Variants in HSF1 observed in about 807,000 individuals in gnomAD.
HSF1 encodes heat shock factor protein 1.
HSF1 carries 32 observed loss-of-function variants against 51.7 expected under a neutral mutation model. The observed-to-expected ratio is 0.62, with a 90% CI of 0.47 to 0.83. The LOEUF (loss-of-function observed/expected upper bound fraction) is 0.83. Among genes scored for constraint, HSF1 ranks in the 40% least tolerant of loss-of-function variants. The pLI, the probability that HSF1 is intolerant of heterozygous loss-of-function variation, is 0.00. For missense variants in HSF1, 727 were observed against 717.0 expected, an observed-to-expected ratio of 1.01 and a Z score of -0.16; for synonymous variants, 396 against 309.7, an observed-to-expected ratio of 1.28 and a Z score of -2.92.
rs1554844405 is a variant in HSF1, at chr8:144,311,424, G to GGGCTGTCCCCCTTCTCTGTC, written c.626+43_627-61dup. ...GCCTGCATCCACCACCCGGGGCCCA[G>GGGCTGTCCCCCTTCTCTGTC]GGCTGTCCCCCTTCTCTGTCAGCTG... On this transcript the variant is annotated intron_variant, in intron 6 of 12. Coordinates refer to ENST00000528838, the MANE Select transcript of HSF1 (RefSeq NM_005526.4). 1.9e-6 allele frequency: 3 copies of GGGCTGTCCCCCTTCTCTGTC among 1,613,120 alleles called. No individual in the cohort carries two copies. In the African/African-American group the frequency reaches 4.0e-5, roughly 22 times the overall value.
chr8:144,296,635 T>C (rs1815480229), intron 1 of HSF1, among the ~76,000 whole-genome samples: 1 of 151,858 alleles, frequency 6.6e-6, no homozygotes, highest in East Asian at 1.9e-4. Flanking sequence ...TGAAACCCCG[T>C]CTATATTAAA....
chr8:144,311,440 C>CT (rs1816651434), intron 6 of HSF1, 58 bp downstream of exon 6: 1 of 1,612,166 alleles, frequency 6.2e-7, no homozygotes, highest in East Asian at 2.2e-5. Context: ...TCCCCCTTCT[C>CT]TGTCAGCTGT....
At chr8:144,312,525 A>G (rs1816751148) in intron 9 of HSF1, 1 of 1,050,532 alleles carries the variant, frequency 9.5e-7, no homozygotes, top group South Asian at 1.4e-5. Context: ...GGGCCCTGGC[A>G]GGTCGTGCTG....
At chr8:144,308,875 C>T (rs1275512936) in intron 1 of HSF1, 31 bp from the exon 2 acceptor site, 19 of 1,580,740 alleles carry the variant, frequency 1.2e-5, no homozygotes, top group Admixed American at 3.3e-5. Flanking sequence ...CTCACCACCA[C>T]GCGTGACCCA....
chr8:144,309,317 C>T, intron 2 of HSF1, 138 bp from the exon 3 acceptor site: 1 of 1,262,068 alleles, frequency 7.9e-7, no homozygotes, highest in Admixed American at 2.3e-5. Context: ...ACTCGGCCAC[C>T]CAGGCATGGG....
chr8:144,311,884 C>A, intron 8 of HSF1, 48 bp downstream of exon 8: 1 of 1,584,424 alleles, frequency 6.3e-7, no homozygotes, highest in Non-Finnish European at 8.6e-7. Flanking sequence ...TGAGGCGAGC[C>A]CCTGTGGGCC....
chr8:144,302,542 A>T (rs1215432256), intron 1 of HSF1, among the ~76,000 whole-genome samples: 1 of 151,468 alleles, frequency 6.6e-6, no homozygotes, highest in Non-Finnish European at 1.5e-5. Flanking sequence ...AATAAAACGC[A>T]AGTGGCTGAG....
intron 4 of HSF1, chr8:144,310,463 G>A (rs557724145): frequency 4.9e-4 from 75 of 154,472 alleles, no homozygotes; most frequent in Non-Finnish European, 8.0e-4. Flanking sequence ...CCAGGCATGC[G>A]GGAACCCCAA....
intron 8 of HSF1, 42 bp from the exon 9 acceptor site, chr8:144,311,921 G>T (rs782149854): frequency 1.1e-5 from 18 of 1,579,570 alleles, no homozygotes; most frequent in Non-Finnish European, 1.5e-5. Flanking sequence ...ATGAGGTGGG[G>T]CTGGCCGAGA....
Position 144,310,931 on chromosome 8 carries a change from G to A in HSF1, c.489-243G>A, listed in dbSNP as rs889345616. 5.3e-6 allele frequency: 3 copies of A among 569,132 alleles called. No homozygotes were observed. In the Admixed American group the frequency reaches 9.2e-5, roughly 18 times the overall value. The allele number at this position is 569,132 out of a possible 1,614,324, so 35.3% of individuals were successfully genotyped here. On this transcript the variant is annotated intron_variant, in intron 4 of 12. Coordinates refer to ENST00000528838, the MANE Select transcript of HSF1 (RefSeq NM_005526.4). ...GATCCGGGTGCACCTGGCTCGCATG[G>A]ATCCATCCCCAACACCCTACGTGAC...
At chr8:144,312,940 C>CG in intron 9 of HSF1, 1 of 582,122 alleles carries the variant, frequency 1.7e-6, no homozygotes, top group South Asian at 2.0e-5. Context: ...TGCTCTGGCA[C>CG]GGCCTCTGGT....
intron 9 of HSF1, chr8:144,312,599 A>G (rs975445039): frequency 6.5e-5 from 99 of 1,520,944 alleles, no homozygotes; most frequent in Middle Eastern, 3.3e-4. Flanking sequence ...CCTGCCTGCA[A>G]TGGGGGCTCT....
chr8:144,306,101 C>T (rs1816212183), intron 1 of HSF1, among the ~76,000 whole-genome samples: 1 of 152,144 alleles, frequency 6.6e-6, no homozygotes, highest in African/African-American at 2.4e-5. Flanking sequence ...GGCTTCTTTA[C>T]AATTTTTATC....
chr8:144,295,637 T>C (rs1815404769), intron 1 of HSF1, among the ~76,000 whole-genome samples: 1 of 152,120 alleles, frequency 6.6e-6, no homozygotes, highest in Admixed American at 6.5e-5. Context: ...CGCTGCAGCC[T>C]CTGCCTCCCA....
Position 144,313,663 on chromosome 8 carries a change from GCGCCGCC to G in HSF1, c.1248+49_1248+55del, listed in dbSNP as rs1816903307. 1.9e-4 allele frequency: 18 copies of G among 93,478 alleles called. 2 individuals carry two copies. The highest frequency in any genetic ancestry group is 1.2e-3 in the African/African-American group (11 of 9,450). The allele number at this position is 93,478 out of a possible 1,614,324, so 5.8% of individuals were successfully genotyped here. On this transcript the variant is annotated intron_variant, in intron 10 of 12. Transcript: ENST00000528838. ...CGCCTCCCCGCCCCGCCTCCCCGCC[GCGCCGCC>G]CCGCCTCCCCGCCCCGCCTCCCCGC...
chr8:144,291,612 G>A lies in HSF1; in HGVS notation c.-146G>A. ...GGCGGCGGGAGCGCGCCCGTTGCAA[G>A]ATGGCGGCGGCCATGCTGGGCCCCG... On this transcript the variant is annotated 5_prime_UTR_variant, in exon 1 of 13. Coordinates refer to ENST00000528838, the MANE Select transcript of HSF1 (RefSeq NM_005526.4). This position sits in a 1 kb window ranked among gnomAD's most constrained non-coding sequence, Gnocchi z 4.1. 2 of 351,000 alleles carry A rather than the reference G, an allele frequency of 5.7e-6. No homozygotes were observed. Among genetic ancestry groups the A allele is most frequent in the Admixed American group, 5.3e-5 (1 of 18,760 alleles). The allele number at this position is 351,000 out of a possible 1,614,324, so 21.7% of individuals were successfully genotyped here.
At position 144,305,445 on chromosome 8, in the gene HSF1, A is replaced by G. The variant is rs949308809; in HGVS notation, c.118-3461A>G. Among the ~76,000 whole-genome samples the G allele has an allele frequency of 5.3e-5, 8 of 152,046 alleles. No homozygotes were observed. The East Asian group carries it at 1.6e-3, about 30-fold the overall frequency. ...CTCCCAAGTAGCTGGGATTACAGGC[A>G]CATGCCACCATGCCCAACTAATTTT... On this transcript the variant is annotated intron_variant, in intron 1 of 12. Transcript: ENST00000528838.
Position 144,311,774 on chromosome 8 carries a change from C to T in HSF1, c.798C>T (p.Ser266=), listed in dbSNP as rs781794689. The change falls in exon 8 of 13, where the codon TCC becomes TCT. Residue 266 remains serine (S), a synonymous_variant. Transcript: ENST00000528838. ...DAVASSGPII[S]DITELAPASP... is the part of the protein sequence containing the mutation. ...TGGCCAGCTCTGGACCCATCATCTC[C>T]GACATCACCGAGCTGGCTCCTGCCA... 27 of 1,612,744 alleles carry T rather than the reference C, an allele frequency of 1.7e-5. No individual in the cohort carries two copies. Among genetic ancestry groups the T allele is most frequent in the African/African-American group, 8.0e-5 (6 of 75,018 alleles).
intron 1 of HSF1, among the ~76,000 whole-genome samples, chr8:144,296,776 C>T (rs1349254704): frequency 1.3e-5 from 2 of 150,214 alleles, no homozygotes; most frequent in Non-Finnish European, 3.0e-5. Flanking sequence ...CATTGCACTC[C>T]AGCCTGGGTG....
Sources: gnomAD v4.1 joint callset for allele counts (sites outside exome capture counted in the v4.1 genomes callset) on GRCh38, gnomAD v4.1.1 for gene constraint, Gnocchi (gnomAD v3.1) non-coding constraint, MANE v1.5 for transcripts, NCBI Gene and HGNC (gene_info 2026-07-23, HGNC 2026-07-21) for gene names.